SDCCAG8: variants seen among roughly 807,000 people sequenced by gnomAD.
SDCCAG8 encodes serologically defined colon cancer antigen 8.
SDCCAG8 carries 74 observed loss-of-function variants against 101.8 expected under a neutral mutation model. That is an observed-to-expected ratio of 0.73 (90% CI 0.60 to 0.88). The LOEUF is 0.88. Ranked by LOEUF, SDCCAG8 falls within the 40% of genes least tolerant of loss-of-function variation. SDCCAG8 has a pLI of 0.00. For synonymous variants in SDCCAG8, 281 were observed against 292.9 expected (o/e 0.96, Z 0.41); for missense variants, 787 against 822.6 (o/e 0.96, Z 0.53).
At chr1:243,469,311 C>G (rs1238710610) in intron 16 of SDCCAG8, among the ~76,000 whole-genome samples, 1 of 152,106 alleles carries the variant, frequency 6.6e-6, no homozygotes, top group Non-Finnish European at 1.5e-5. Context: ...TTAATACATC[C>G]TCACTCACAA....
chr1:243,304,669 A>G (rs2071899597), intron 6 of SDCCAG8, 44 bp from the exon 7 acceptor site: 1 of 1,048,584 alleles, frequency 9.5e-7, no homozygotes, highest in Non-Finnish European at 1.5e-6. Context: ...CTTATAAAAT[A>G]CAGGACATAG....
intron 6 of SDCCAG8, among the ~76,000 whole-genome samples, chr1:243,303,186 A>C (rs1206407206): frequency 1.3e-5 from 2 of 152,180 alleles, no homozygotes; most frequent in African/African-American, 4.8e-5. Flanking sequence ...GAAAATGAGG[A>C]AGAAGACATA....
At chr1:243,399,632 G>T (rs143379507) in intron 13 of SDCCAG8, among the ~76,000 whole-genome samples, 2 of 151,986 alleles carry the variant, frequency 1.3e-5, no homozygotes, top group African/African-American at 4.8e-5. Flanking sequence ...TCAGCCTCCC[G>T]AGTAGCCAGG....
At chr1:243,277,001 G>A (rs954249570) in intron 4 of SDCCAG8, among the ~76,000 whole-genome samples, 5 of 152,164 alleles carry the variant, frequency 3.3e-5, no homozygotes, top group Admixed American at 6.5e-5. Flanking sequence ...TTATTATTAA[G>A]TAGTATTCAA....
At chr1:243,489,479 G>A (rs1181144373) in intron 17 of SDCCAG8, among the ~76,000 whole-genome samples, 3 of 152,216 alleles carry the variant, frequency 2.0e-5, no homozygotes, top group Non-Finnish European at 4.4e-5. Context: ...AGGCTTTTTG[G>A]AGGATGGTGG....
chr1:243,313,210 T>C (rs2072920423), intron 8 of SDCCAG8, among the ~76,000 whole-genome samples: 1 of 152,238 alleles, frequency 6.6e-6, no homozygotes, highest in Non-Finnish European at 1.5e-5. Flanking sequence ...AGAAATGTTG[T>C]AGTCAGCCTT....
chr1:243,270,152 G>C lies in SDCCAG8; in HGVS notation c.115G>C (p.Gly39Arg). 1 of 1,614,190 alleles carries C rather than the reference G, an allele frequency of 6.2e-7. No individual in the cohort carries two copies. Among genetic ancestry groups the C allele is most frequent in the South Asian group, 1.1e-5 (1 of 91,074 alleles). Residue 39 changes from glycine (G) to arginine (R), a missense_variant, in exon 2 of 18, where the codon GGC (glycine) becomes CGC (arginine). Physicochemically the swap from Gly to Arg is moderately radical, Grantham distance 125. Transcript: ENST00000366541. Reference sequence around the variant, plus strand: ...CCAACTGACATGTGCCCTGAAAGAAGGCGATGTCACTATTGGAGAAGATGC... The same window carrying C: ...CCAACTGACATGTGCCCTGAAAGAACGCGATGTCACTATTGGAGAAGATGC... The part of the protein sequence containing the change: ...IHQLTCALKE[G>R]DVTIGEDAPN...
At position 243,270,019 on chromosome 1, in the gene SDCCAG8, ACCTTTAAAAAC is replaced by A. The variant is rs1344090028; in HGVS notation, c.68-85_68-75del. On this transcript the variant is annotated intron_variant, in intron 1 of 17. Transcript: ENST00000366541. Reference sequence around the variant, plus strand: ...ATAAAGTACGAGAAATAATGATTTCACCTTTAAAAACTGCCTTCCTGAGTAAGTGTCCGTTT... The same window carrying A: ...ATAAAGTACGAGAAATAATGATTTCATGCCTTCCTGAGTAAGTGTCCGTTT... 8 of 1,575,990 alleles carry A rather than the reference ACCTTTAAAAAC, an allele frequency of 5.1e-6. No individual in the cohort carries two copies. The East Asian group carries it at 1.6e-4, about 31-fold the overall frequency.
chr1:243,294,248 ATCT>A (rs1252736949), intron 6 of SDCCAG8, among the ~76,000 whole-genome samples: 5 of 152,120 alleles, frequency 3.3e-5, no homozygotes, highest in Admixed American at 6.5e-5. Flanking sequence ...AACTCTGGAA[ATCT>A]TTAACTCCTT....
At chr1:243,480,158 G>A (rs942953291) in intron 16 of SDCCAG8, among the ~76,000 whole-genome samples, 2 of 150,778 alleles carry the variant, frequency 1.3e-5, no homozygotes, top group Admixed American at 6.6e-5. Context: ...GATCCTTCTA[G>A]TCTAGCTGTT....
chr1:243,280,712 C>A (rs555991977), intron 4 of SDCCAG8, among the ~76,000 whole-genome samples: 1 of 152,226 alleles, frequency 6.6e-6, no homozygotes, highest in East Asian at 1.9e-4. Flanking sequence ...GTGTCATCAT[C>A]AAGTATTTGG....
chr1:243,340,027 G>A (rs1175462383), intron 10 of SDCCAG8, among the ~76,000 whole-genome samples: 1 of 152,108 alleles, frequency 6.6e-6, no homozygotes, highest in African/African-American at 2.4e-5. Flanking sequence ...AAACTATAAA[G>A]GATAAATCTA....
chr1:243,381,540 G>A (rs2077955979), intron 13 of SDCCAG8, among the ~76,000 whole-genome samples: 1 of 151,954 alleles, frequency 6.6e-6, no homozygotes, highest in Non-Finnish European at 1.5e-5. Flanking sequence ...TGTGAGCTGT[G>A]ATTGCGCCGC....
intron 12 of SDCCAG8, among the ~76,000 whole-genome samples, chr1:243,349,073 G>A (rs2075933209): frequency 6.6e-6 from 1 of 151,868 alleles, no homozygotes; most frequent in African/African-American, 2.4e-5. Flanking sequence ...TGACCACAGA[G>A]TATTAAACTG....
intron 12 of SDCCAG8, among the ~76,000 whole-genome samples, chr1:243,360,144 C>CTTTTTTTT (rs397860448): frequency 1.8e-5 from 2 of 112,872 alleles, no homozygotes; most frequent in Non-Finnish European, 1.8e-5. Flanking sequence ...GCAACAGTCT[C>CTTTTTTTT]TTTTTTTTTT....
chr1:243,333,813 A>C (rs1228670906), intron 10 of SDCCAG8, among the ~76,000 whole-genome samples: 1 of 152,200 alleles, frequency 6.6e-6, no homozygotes, highest in Non-Finnish European at 1.5e-5. Flanking sequence ...CCTTTGAGAC[A>C]ATAAAGGAGA....
chr1:243,434,148 C>T (rs149616249), intron 16 of SDCCAG8, among the ~76,000 whole-genome samples: 5 of 152,312 alleles, frequency 3.3e-5, no homozygotes, highest in East Asian at 1.9e-4. Context: ...TAACCCCCTA[C>T]GGTGCAGTAT....
intron 12 of SDCCAG8, among the ~76,000 whole-genome samples, chr1:243,351,299 C>G (rs2076070010): frequency 6.6e-6 from 1 of 152,218 alleles, no homozygotes; most frequent in African/African-American, 2.4e-5. Context: ...ACGAAGACAA[C>G]AGCAGTTCCA....
chr1:243,455,418 G>A (rs899226827), intron 16 of SDCCAG8, among the ~76,000 whole-genome samples: 2 of 151,952 alleles, frequency 1.3e-5, no homozygotes, highest in Admixed American at 6.6e-5. Flanking sequence ...TACAGGTGTC[G>A]GCTACCATGC....
Sources: gnomAD v4.1 joint callset for allele counts (sites outside exome capture counted in the v4.1 genomes callset) on GRCh38, gnomAD v4.1.1 for gene constraint, MANE v1.5 for transcripts, NCBI Gene and HGNC (gene_info 2026-07-23, HGNC 2026-07-21) for gene names.